The following MTERF3 variants were observed in gnomAD, a reference collection of about 807,000 sequenced individuals.
MTERF3 encodes mitochondrial transcription termination factor 3, also known as transcription termination factor 3, mitochondrial.
A neutral mutation model predicts 40.5 loss-of-function variants in MTERF3; 40 were observed. The observed-to-expected ratio is 0.99, with a 90% CI of 0.77 to 1.29. The LOEUF is 1.29. MTERF3 is among the 50% of genes most tolerant of loss of function. The pLI is 0.00. For synonymous variants in MTERF3, 158 were observed against 166.6 expected, an observed-to-expected ratio of 0.95 and a Z score of 0.40; for missense variants, 452 against 478.2, an observed-to-expected ratio of 0.95 and a Z score of 0.51.
In MTERF3 at chr8:96,243,929, T is replaced by C. The variant is rs773808375; in HGVS notation, c.1049A>G (p.Lys350Arg). ...TGTGAGTGGCATTACCTGTGGGAAC[T>C]TGACAATGATGTGGTGGGGAATGCT... is the stretch of plus-strand genomic sequence containing the variant. ...VMSIPHHIIV[K>R]FPQVFNTRLF... Residue 350 changes from lysine to arginine, a missense_variant, in exon 7 of 8, where the codon AAG becomes AGG. Coordinates refer to ENST00000287025, the MANE Select transcript of MTERF3 (RefSeq NM_015942.5). The C allele has an allele frequency of 2.5e-6, 4 of 1,613,812 alleles. No individual in the cohort carries two copies. In the East Asian group the frequency reaches 6.7e-5, roughly 27 times the overall value.
chr8:96,247,422 C>A (rs771677958), intron 4 of MTERF3, among the ~76,000 whole-genome samples: 1 of 152,018 alleles, frequency 6.6e-6, no homozygotes, highest in Non-Finnish European at 1.5e-5. Flanking sequence ...TTTAAAAAAT[C>A]TAAAACATAG....
At chr8:96,239,782 C>G (rs1257000815) in intron 7 of MTERF3, 97 bp from the exon 8 acceptor site, 2 of 814,206 alleles carry the variant, frequency 2.5e-6, no homozygotes, top group Non-Finnish European at 4.1e-6. Flanking sequence ...TTAACCAATA[C>G]CAAGTACTGA....
chr8:96,239,986 C>T (rs747312710), intron 7 of MTERF3: 40 of 580,248 alleles, frequency 6.9e-5, no homozygotes, highest in Non-Finnish European at 1.1e-4. Context: ...TTCGGCCGGG[C>T]GTGGTGGCTC....
chr8:96,251,104 A>C lies in MTERF3; in HGVS notation c.488-9T>G. The C allele has an allele frequency of 6.4e-7, 1 of 1,562,920 alleles. No homozygotes were observed. The highest frequency in any genetic ancestry group is 8.6e-7 in the Non-Finnish European group (1 of 1,164,834). On this transcript the variant is annotated splice_polypyrimidine_tract_variant and intron_variant, in intron 3 of 7. Coordinates refer to ENST00000287025, the MANE Select transcript of MTERF3 (RefSeq NM_015942.5). ...CTTGGACAAATCCACGCCTATAATAAATTATAAATACTGTTTGAAGATGAC... is the reference window on the plus strand; with the variant it reads ...CTTGGACAAATCCACGCCTATAATACATTATAAATACTGTTTGAAGATGAC...
intron 7 of MTERF3, among the ~76,000 whole-genome samples, chr8:96,241,294 C>T (rs1334184897): frequency 6.6e-6 from 1 of 151,840 alleles, no homozygotes; most frequent in Non-Finnish European, 1.5e-5. Flanking sequence ...CTTGTAGTCC[C>T]AGCTACTCAG....
chr8:96,256,446 A>G (rs1810280516), intron 3 of MTERF3, among the ~76,000 whole-genome samples: 1 of 152,226 alleles, frequency 6.6e-6, no homozygotes. Flanking sequence ...ACAAACAAAC[A>G]AAACAATTCA....
At chr8:96,242,915 A>G (rs1809954476) in intron 7 of MTERF3, among the ~76,000 whole-genome samples, 1 of 152,214 alleles carries the variant, frequency 6.6e-6, no homozygotes, top group Non-Finnish European at 1.5e-5. Flanking sequence ...ACCCAGGGAA[A>G]AACAAATTGT....
intron 4 of MTERF3, among the ~76,000 whole-genome samples, chr8:96,248,113 A>C (rs1276047288): frequency 6.6e-6 from 1 of 152,236 alleles, no homozygotes; most frequent in Admixed American, 6.5e-5. Context: ...ACTTCTGTAC[A>C]CTGTTGGGGA....
chr8:96,245,234 T>G (rs999238330), intron 6 of MTERF3, among the ~76,000 whole-genome samples: 2 of 152,184 alleles, frequency 1.3e-5, no homozygotes, highest in African/African-American at 4.8e-5. Context: ...ATGACTGAAC[T>G]GTTCACCTCA....
intron 3 of MTERF3, among the ~76,000 whole-genome samples, chr8:96,252,574 T>C (rs1432571221): frequency 6.6e-6 from 1 of 152,236 alleles, no homozygotes; most frequent in Non-Finnish European, 1.5e-5. Context: ...TAAGAGGTCC[T>C]TCTCTTATAA....
chr8:96,241,867 G>A (rs1391167840), intron 7 of MTERF3, among the ~76,000 whole-genome samples: 4 of 152,216 alleles, frequency 2.6e-5, no homozygotes, highest in Non-Finnish European at 5.9e-5. Context: ...GAAGGGGAGA[G>A]TGAAGGTTTC....
rs1461357984 is a variant in MTERF3 at position 96,258,680 on chromosome 8, G to A, written c.11C>T (p.Ser4Leu). 2 of 1,592,844 alleles carry A rather than the reference G, an allele frequency of 1.3e-6. No individual in the cohort carries two copies. The highest frequency in any genetic ancestry group is 1.7e-4 in the Middle Eastern group (1 of 5,954). Reference sequence around the variant, plus strand: ...AAACCATCTGGGTATCTGTTGGGCTGACAAAGCCATTTTTCTTAGTCTACA... The same window carrying A: ...AAACCATCTGGGTATCTGTTGGGCTAACAAAGCCATTTTTCTTAGTCTACA... MAL[S>L]AQQIPRWFNS... The change falls in exon 2 of 8, where the codon TCA becomes TTA. Residue 4 changes from serine to leucine, a missense_variant. Coordinates refer to ENST00000287025, the MANE Select transcript of MTERF3 (RefSeq NM_015942.5).
chr8:96,253,840 AT>A (rs72119755), intron 3 of MTERF3, among the ~76,000 whole-genome samples: 11,743 of 137,774 alleles, frequency 0.085, 652 homozygotes, highest in African/African-American at 0.1. Flanking sequence ...ACCTCCCTCT[AT>A]TTAAAAAAAA....
chr8:96,257,810 C>T (rs576962946), intron 2 of MTERF3, among the ~76,000 whole-genome samples: 1 of 152,266 alleles, frequency 6.6e-6, no homozygotes, highest in East Asian at 1.9e-4. Context: ...CTCCTCCCTG[C>T]CCTCTCCCCA....
intron 7 of MTERF3, among the ~76,000 whole-genome samples, chr8:96,240,596 A>C (rs992669653): frequency 3.9e-5 from 6 of 152,202 alleles, no homozygotes; most frequent in Non-Finnish European, 8.8e-5. Flanking sequence ...AACTTTAGAA[A>C]GGAGTCAGAA....
intron 4 of MTERF3, 67 bp from the exon 5 acceptor site, chr8:96,246,521 CATGCTA>C: frequency 2.2e-6 from 3 of 1,376,296 alleles, no homozygotes; most frequent in Non-Finnish European, 2.9e-6. Context: ...GATGGAGTCT[CATGCTA>C]CTTCCCAAAG....
At chr8:96,261,229 C>G (rs1810380186) in intron 1 of MTERF3, among the ~76,000 whole-genome samples, 1 of 152,194 alleles carries the variant, frequency 6.6e-6, no homozygotes, top group Admixed American at 6.5e-5. Context: ...TCAATACTTC[C>G]CAGGCCATTT....
intron 3 of MTERF3, among the ~76,000 whole-genome samples, chr8:96,251,652 G>C (rs1056391659): frequency 1.3e-5 from 2 of 152,116 alleles, no homozygotes; most frequent in Non-Finnish European, 2.9e-5. Context: ...ATGTCTGAGT[G>C]AGAACAAGTG....
intron 2 of MTERF3, chr8:96,257,367 A>T (rs1437374732): frequency 3.1e-6 from 1 of 321,806 alleles, no homozygotes; most frequent in Non-Finnish European, 5.6e-6. Context: ...TCCTTCACTT[A>T]ATCAGTAGGT....
Sources: gnomAD v4.1 joint callset for allele counts (sites outside exome capture counted in the v4.1 genomes callset) on GRCh38, gnomAD v4.1.1 for gene constraint, MANE v1.5 for transcripts, NCBI Gene and HGNC (gene_info 2026-07-23, HGNC 2026-07-21) for gene names.